The following BSCL2 variants were observed in gnomAD, a reference collection of about 807,000 sequenced individuals.
BSCL2 encodes seipin.
A neutral mutation model predicts 57.4 loss-of-function variants in BSCL2; 41 were observed. The observed-to-expected ratio is 0.71, with a 90% CI of 0.56 to 0.93. BSCL2 has a LOEUF of 0.93. Ranked by LOEUF, BSCL2 falls within the 40% of genes least tolerant of loss-of-function variation. The probability of loss-of-function intolerance (pLI) is 0.00; values close to 1 mark genes in which losing one functional copy is unlikely to be tolerated. For synonymous variants in BSCL2, 237 were observed against 227.3 expected (o/e 1.04, Z -0.38); for missense variants, 539 against 586.7 (o/e 0.92, Z 0.84).
intron 4 of BSCL2, 129 bp from the exon 5 acceptor site, chr11:62,692,926 T>C: frequency 8.6e-7 from 1 of 1,166,944 alleles, no homozygotes; most frequent in Admixed American, 2.0e-5. Context: ...CTGCCTCACC[T>C]TCACTTCCTA....
chr11:62,705,629 G>A lies in BSCL2; in HGVS notation c.88-12C>T, dbSNP rs750662693. On this transcript the variant is annotated splice_polypyrimidine_tract_variant and intron_variant, in intron 1 of 10. Coordinates refer to ENST00000360796, the MANE Select transcript of BSCL2 (RefSeq NM_001122955.4). ...GCAGCTGGTGGTTCCTGGAAAGAGA[G>A]GGTGAGGGAAAAGAGTGACTCCTTT... 76 of 1,502,320 alleles carry A rather than the reference G, an allele frequency of 5.1e-5. No homozygotes were observed. Among genetic ancestry groups the A allele is most frequent in the Non-Finnish European group, 6.6e-5 (74 of 1,120,318 alleles). The allele number at this position is 1,502,320 out of a possible 1,614,324, so 93.1% of individuals were successfully genotyped here. A position where few individuals can be genotyped will look rare whatever the true frequency, so the allele number is the denominator to read the frequency against.
chr11:62,706,280 C>A (rs117862461), intron 1 of BSCL2: 73 of 1,108,138 alleles, frequency 6.6e-5, no homozygotes, highest in Middle Eastern at 4.4e-4. Flanking sequence ...GCTGCCAGGG[C>A]AACCGTGAGA....
At chr11:62,696,924 G>T (rs1945485545) in intron 3 of BSCL2, among the ~76,000 whole-genome samples, 1 of 151,910 alleles carries the variant, frequency 6.6e-6, no homozygotes, top group Non-Finnish European at 1.5e-5. Context: ...TGCAGTCCCA[G>T]CTGCTGAGGA....
In BSCL2 at chr11:62,703,200, T is replaced by C. The variant is rs527291939; in HGVS notation, c.405-651A>G. On this transcript the variant is annotated intron_variant, in intron 2 of 10. Transcript: ENST00000360796. ...GGGTCCCACCCCAAGAGATTCTGAT[T>C]TGGTAGCTCTGGTCTGGGTCCTAGT... 2.0e-5 allele frequency among the ~76,000 whole-genome samples: 3 copies of C among 151,908 alleles called. No individual in the cohort carries two copies. In the East Asian group the frequency reaches 5.8e-4, roughly 29 times the overall value.
At chr11:62,691,665 A>C (rs898302547) in intron 6 of BSCL2, among the ~76,000 whole-genome samples, 2 of 152,130 alleles carry the variant, frequency 1.3e-5, no homozygotes, top group Non-Finnish European at 2.9e-5. Flanking sequence ...TCTGTCTCTC[A>C]AGAGTCACCC....
upstream of BSCL2, chr11:62,709,155 A>C (rs1461024211): frequency 2.1e-6 from 1 of 472,602 alleles, no homozygotes; most frequent in South Asian, 1.5e-5. Flanking sequence ...ACCTGGAGCT[A>C]CTGGGAGGGT....
intron 2 of BSCL2, among the ~76,000 whole-genome samples, chr11:62,704,903 G>A (rs1348978295): frequency 2.0e-5 from 3 of 152,116 alleles, no homozygotes; most frequent in Admixed American, 1.3e-4. Flanking sequence ...GGGACTGAGA[G>A]GCAGTAATGT....
intron 3 of BSCL2, 37 bp from the exon 4 acceptor site, chr11:62,694,748 T>A: frequency 6.2e-7 from 1 of 1,606,206 alleles, no homozygotes; most frequent in Non-Finnish European, 8.5e-7. Flanking sequence ...AAAAAAATTT[T>A]TTTGTTGAAA....
In BSCL2 at chr11:62,692,702, C is replaced by A; in HGVS notation, c.726G>T (p.Leu242=). The part of the protein sequence containing the change: ...LLFGFAEQKQ[L]LEVELYADYR... The stretch of plus-strand genomic sequence containing the variant: ...AGTCTGCGTAGAGTTCCACCTCCAG[C>A]AGCTGCTTCTGCTCTGCAAAGCCAA... Residue 242 remains leucine, a synonymous_variant, in exon 5 of 11, where the codon CTG becomes CTT. Coordinates refer to ENST00000360796, the MANE Select transcript of BSCL2 (RefSeq NM_001122955.4). The A allele has an allele frequency of 6.2e-7, 1 of 1,614,186 alleles. No individual in the cohort carries two copies. Among genetic ancestry groups the A allele is most frequent in the Non-Finnish European group, 8.5e-7 (1 of 1,180,040 alleles).
rs558491442 is a variant in BSCL2, at chr11:62,695,655, G to A, written c.487-944C>T. 3.0e-4 allele frequency among the ~76,000 whole-genome samples: 44 copies of A among 146,496 alleles called. No individual in the cohort carries two copies. In the Middle Eastern group the frequency reaches 0.018, roughly 61 times the overall value. Reference sequence around the variant, plus strand: ...GAACCCTGGAGGCGGAGATTGCAGTGAGCCGAGAGCGCGCCATTGCACTGC... The same window carrying A: ...GAACCCTGGAGGCGGAGATTGCAGTAAGCCGAGAGCGCGCCATTGCACTGC... On this transcript the variant is annotated intron_variant, in intron 3 of 10. Transcript: ENST00000360796.
rs747175358 is a variant in BSCL2, at chr11:62,690,445, G to GGCAGAA, written c.1305_1310dup (p.Ser436_Ala437dup). ...AGCTGCCCAGAGTCTCTAGGACAGGGGCAGAAGCAGAAGCAGGAGCAGGAG... is the reference window on the plus strand; with the variant it reads ...AGCTGCCCAGAGTCTCTAGGACAGGGGCAGAAGCAGAAGCAGAAGCAGGAGCAGGAG... On this transcript the variant is annotated inframe_insertion, in exon 11 of 11. Transcript: ENST00000360796. 6.8e-6 allele frequency: 11 copies of GGCAGAA among 1,614,040 alleles called. No homozygotes were observed. The highest frequency in any genetic ancestry group is 4.5e-5 in the East Asian group (2 of 44,906).
At chr11:62,703,860 T>C (rs1439426170) in intron 2 of BSCL2, among the ~76,000 whole-genome samples, 4 of 150,418 alleles carry the variant, frequency 2.7e-5, no homozygotes, top group South Asian at 2.1e-4. Flanking sequence ...TGGCTCATGC[T>C]TGTAATCCCA....
chr11:62,708,210 C>T (rs865917777), upstream of BSCL2: 2 of 880,834 alleles, frequency 2.3e-6, no homozygotes, highest in Middle Eastern at 2.1e-4. Flanking sequence ...GGTATGACCA[C>T]AGCCTTGTAA....
At chr11:62,709,127 G>A, upstream of BSCL2, 1 of 480,700 alleles carries the variant, frequency 2.1e-6, no homozygotes, top group Non-Finnish European at 4.1e-6. Flanking sequence ...GATGGGCCAG[G>A]TTCTTGCTCT....
In BSCL2 at chr11:62,691,376, A is replaced by C. The variant is rs771142315; in HGVS notation, c.909T>G (p.Val303=). The change falls in exon 7 of 11, where the codon GTT becomes GTG. Residue 303 remains valine (V), a synonymous_variant. Transcript: ENST00000360796. ...CGCTGAGGAAGGTGAAGTTGCTGGCAACACCTATGAAGGCGCAGGTCATCG... is the reference window on the plus strand; with the variant it reads ...CGCTGAGGAAGGTGAAGTTGCTGGCCACACCTATGAAGGCGCAGGTCATCG... ...NFPMTCAFIG[V]ASNFTFLSVI... 5 of 1,614,106 alleles carry C rather than the reference A, an allele frequency of 3.1e-6. No individual in the cohort carries two copies. The Admixed American group carries it at 8.3e-5, about 27-fold the overall frequency.
chr11:62,691,218 A>G lies in BSCL2; in HGVS notation c.1005+62T>C, dbSNP rs954792600. 55 of 1,613,916 alleles carry G rather than the reference A, an allele frequency of 3.4e-5. 1 individual carries two copies. In the Admixed American group the frequency reaches 8.8e-4, roughly 26 times the overall value. ...TCAGGACCCTCATGCCTTAATCCCCAACATACCCCTGACCACCCACAAAGA... is the reference window on the plus strand; with the variant it reads ...TCAGGACCCTCATGCCTTAATCCCCGACATACCCCTGACCACCCACAAAGA... On this transcript the variant is annotated intron_variant, in intron 7 of 10. Transcript: ENST00000360796.
chr11:62,703,616 G>A (rs1032591066), intron 2 of BSCL2, among the ~76,000 whole-genome samples: 3 of 151,344 alleles, frequency 2.0e-5, no homozygotes, highest in African/African-American at 7.3e-5. Context: ...CTCCCAAAGT[G>A]CTGGGATTAC....
intron 2 of BSCL2, among the ~76,000 whole-genome samples, chr11:62,703,320 G>A (rs115378326): frequency 1.2e-3 from 185 of 150,054 alleles, no homozygotes; most frequent in African/African-American, 4.4e-3. Context: ...GGGTGTGGGT[G>A]CAGCATATGC....
intron 6 of BSCL2, among the ~76,000 whole-genome samples, chr11:62,692,145 G>A (rs1945328771): frequency 6.6e-6 from 1 of 151,918 alleles, no homozygotes; most frequent in Non-Finnish European, 1.5e-5. Flanking sequence ...GATGAACAGG[G>A]ATGATGGAGG....
Sources: allele counts gnomAD v4.1 joint callset (sites outside exome capture counted in the v4.1 genomes callset), GRCh38; gene constraint gnomAD v4.1.1; transcripts MANE v1.5; gene names NCBI Gene and HGNC (gene_info 2026-07-23, HGNC 2026-07-21).